Variants in TENM1 observed in about 807,000 individuals in gnomAD.
The protein encoded by TENM1 is teneurin-1.
A neutral mutation model predicts 174.8 loss-of-function variants in TENM1; 35 were observed. That is an observed-to-expected ratio of 0.20 (90% confidence interval 0.15 to 0.27). TENM1 has a LOEUF of 0.27. TENM1 is among the 10% of genes least tolerant of loss of function. The pLI is 1.00. For missense variants in TENM1, 1,633 were observed against 2,130.1 expected (o/e 0.77, Z 4.59); for synonymous variants, 781 against 798.7 (o/e 0.98, Z 0.37).
chrX:124,761,492 A>T (rs990858969), intron 3 of TENM1, among the ~76,000 whole-genome samples: 1 of 93,336 alleles, frequency 1.1e-5, no homozygotes, highest in Non-Finnish European at 2.1e-5. Context: ...GAATTGAACG[A>T]CGAGAACAAT....
the TENM1 span, among the ~76,000 whole-genome samples, chrX:125,044,833 T>C: frequency 2.2e-4 from 25 of 111,521 alleles, 1 homozygote; most frequent in East Asian, 5.7e-4. Flanking sequence ...TTCAAATTTG[T>C]TAGAACATAC....
chrX:124,995,870 TTTC>T, the TENM1 span, among the ~76,000 whole-genome samples: 35 of 111,320 alleles, frequency 3.1e-4, no homozygotes, highest in Non-Finnish European at 7.6e-5. Flanking sequence ...GAATTTTATT[TTTC>T]TTTAAAATAC....
intron 1 of TENM1, among the ~76,000 whole-genome samples, chrX:124,932,615 C>T (rs541685319): frequency 3.6e-5 from 4 of 111,502 alleles, no homozygotes; most frequent in East Asian, 2.9e-4. Flanking sequence ...ATCAAAGAGG[C>T]GAGACTTGAG....
chrX:124,444,121 G>A (rs2060940165), intron 23 of TENM1, among the ~76,000 whole-genome samples: 1 of 111,884 alleles, frequency 8.9e-6, no homozygotes, highest in Admixed American at 9.5e-5. Flanking sequence ...TGCCACAATT[G>A]CACCTACCTA....
intron 3 of TENM1, among the ~76,000 whole-genome samples, chrX:124,749,577 G>A (rs2054013641): frequency 1.8e-5 from 2 of 112,250 alleles, no homozygotes; most frequent in Admixed American, 9.5e-5. Flanking sequence ...ACCCCATGAG[G>A]GAAGGAGTTG....
chrX:124,859,363 T>C lies in TENM1; in HGVS notation c.535+34933A>G, dbSNP rs1171660379. Among the ~76,000 whole-genome samples the C allele has an allele frequency of 6.4e-5, 7 of 108,916 alleles. No homozygotes were observed. The East Asian group carries it at 2.1e-3, about 32-fold the overall frequency. The allele number at this position is 108,916 out of a possible 115,157, so 94.6% of individuals were successfully genotyped here. A position where few individuals can be genotyped will look rare whatever the true frequency, so the allele number is the denominator to read the frequency against. On this transcript the variant is annotated intron_variant, in intron 3 of 31. Transcript: ENST00000422452. ...TTCAAGACCAGCCTGGCCAAGATGG[T>C]GAAACCCCATCTCTACTAAAAACTA...
At chrX:124,608,373 G>A (rs2050206938) in intron 11 of TENM1, among the ~76,000 whole-genome samples, 1 of 111,282 alleles carries the variant, frequency 9.0e-6, no homozygotes, top group Admixed American at 9.6e-5. Flanking sequence ...TACAAGTTGA[G>A]GGGCTGCAAC....
At chrX:125,117,169 T>C in the TENM1 span, among the ~76,000 whole-genome samples, 32 of 111,553 alleles carry the variant, frequency 2.9e-4, no homozygotes, top group African/African-American at 1.0e-3. Context: ...GAAATACCAT[T>C]TCACCCAGCA....
At chrX:124,687,330 G>A (rs112115104) in intron 5 of TENM1, among the ~76,000 whole-genome samples, 2,435 of 111,428 alleles carry the variant, frequency 0.022, 31 homozygotes, top group African/African-American at 0.04. Flanking sequence ...CAAGCAATGG[G>A]GAAAGGATTC....
At chrX:124,572,238 G>A (rs966847019) in intron 11 of TENM1, among the ~76,000 whole-genome samples, 13 of 111,929 alleles carry the variant, frequency 1.2e-4, no homozygotes, top group African/African-American at 4.2e-4. Context: ...AAATAAGCAT[G>A]AATGCTAGGA....
chrX:125,159,524 T>C, the TENM1 span, among the ~76,000 whole-genome samples: 1 of 112,223 alleles, frequency 8.9e-6, no homozygotes, highest in South Asian at 3.7e-4. Flanking sequence ...AAGAGTTATA[T>C]TTTTATACCA....
intron 23 of TENM1, among the ~76,000 whole-genome samples, chrX:124,429,018 T>A (rs1457985425): frequency 8.9e-6 from 1 of 112,325 alleles, no homozygotes; most frequent in Non-Finnish European, 1.9e-5. Flanking sequence ...GACTACTGTT[T>A]ACTGAATGCC....
At chrX:124,722,222 G>A (rs1304820333) in intron 4 of TENM1, among the ~76,000 whole-genome samples, 1 of 112,193 alleles carries the variant, frequency 8.9e-6, no homozygotes, top group Non-Finnish European at 1.9e-5. Context: ...TGTTGTACTT[G>A]ATATTTTGAT....
At chrX:124,879,832 T>C (rs1339147041) in intron 3 of TENM1, among the ~76,000 whole-genome samples, 4 of 112,176 alleles carry the variant, frequency 3.6e-5, no homozygotes, top group Non-Finnish European at 7.5e-5. Flanking sequence ...TAAGATTATA[T>C]TTCATTTTGA....
At chrX:125,040,677 TGATTAATTA>T in the TENM1 span, among the ~76,000 whole-genome samples, 1 of 111,313 alleles carries the variant, frequency 9.0e-6, no homozygotes, top group Admixed American at 9.6e-5. Context: ...AAACATACTT[TGATTAATTA>T]GATTCCATTT....
intron 27 of TENM1, among the ~76,000 whole-genome samples, chrX:124,394,473 G>C (rs1240516670): frequency 8.9e-6 from 1 of 111,981 alleles, no homozygotes; most frequent in East Asian, 2.8e-4. Flanking sequence ...GATCTTAGAG[G>C]TCTGGATGGC....
chrX:124,797,023 G>A (rs758815624), intron 3 of TENM1, among the ~76,000 whole-genome samples: 2 of 111,605 alleles, frequency 1.8e-5, no homozygotes, highest in South Asian at 7.5e-4. Flanking sequence ...AAGAGATATA[G>A]TCATTTCTCT....
At chrX:125,050,469 T>C in the TENM1 span, among the ~76,000 whole-genome samples, 2 of 111,038 alleles carry the variant, frequency 1.8e-5, no homozygotes, top group African/African-American at 3.3e-5. Context: ...GCTTCATCCA[T>C]GTCCCTACAA....
chrX:124,877,168 T>C (rs2147500852), intron 3 of TENM1, among the ~76,000 whole-genome samples: 1 of 112,360 alleles, frequency 8.9e-6, no homozygotes, highest in African/African-American at 3.2e-5. Context: ...AATTATACAA[T>C]ATAGCATTCA....
Sources: gnomAD v4.1 joint callset for allele counts (sites outside exome capture counted in the v4.1 genomes callset) on GRCh38, gnomAD v4.1.1 for gene constraint, MANE v1.5 for transcripts, NCBI Gene and HGNC (gene_info 2026-07-23, HGNC 2026-07-21) for gene names.